Variants in ATP6V1C2 observed in about 807,000 individuals in gnomAD.
ATP6V1C2 encodes the protein ATPase H+ transporting V1 subunit C2.
In ATP6V1C2, 45 loss-of-function variants were observed where a neutral mutation model predicts 56.8. That is an observed-to-expected ratio of 0.79 (90% CI 0.62 to 1.02). The LOEUF is 1.02. Ranked by LOEUF, ATP6V1C2 falls within the 50% of genes least tolerant of loss-of-function variation. ATP6V1C2 has a pLI of 0.00. For missense variants in ATP6V1C2, 463 were observed against 519.7 expected (o/e 0.89, Z 1.06); for synonymous variants, 220 against 201.3 (o/e 1.09, Z -0.79).
rs764717987 is a variant in ATP6V1C2 at position 10,784,171 on chromosome 2, T to C, written c.*908T>C. ...GGTTAAAAGGCCACTGGTAGAGTCA[T>C]CTGAGTGTAGAGAATGTCCCTTCAC... is the stretch of plus-strand genomic sequence containing the variant. On this transcript the variant is annotated 3_prime_UTR_variant, in exon 14 of 14. Transcript: ENST00000272238. The C allele has an allele frequency of 2.1e-5, 20 of 958,450 alleles. No individual in the cohort carries two copies. Among genetic ancestry groups the C allele is most frequent in the Middle Eastern group, 2.1e-4 (1 of 4,686 alleles). The allele number at this position is 958,450 out of a possible 1,614,324, so 59.4% of individuals were successfully genotyped here.
At chr2:10,777,858 A>C in intron 11 of ATP6V1C2, 136 bp downstream of exon 11, 1 of 1,132,298 alleles carries the variant, frequency 8.8e-7, no homozygotes, top group Admixed American at 3.1e-5. Flanking sequence ...GAGGAGCCGG[A>C]ATCATGCCTT....
chr2:10,754,388 G>T (rs1461343152), intron 4 of ATP6V1C2, among the ~76,000 whole-genome samples: 2 of 151,890 alleles, frequency 1.3e-5, no homozygotes, highest in African/African-American at 4.8e-5. Context: ...GCCACGCCTG[G>T]CTAATTTTTG....
At chr2:10,730,413 G>A (rs990743654) in intron 3 of ATP6V1C2, among the ~76,000 whole-genome samples, 7 of 152,100 alleles carry the variant, frequency 4.6e-5, no homozygotes, top group African/African-American at 1.7e-4. Context: ...ACTGTGCCTG[G>A]CCACTTTGAG....
intron 4 of ATP6V1C2, among the ~76,000 whole-genome samples, chr2:10,758,834 A>G (rs1663713071): frequency 6.6e-6 from 1 of 151,960 alleles, no homozygotes; most frequent in South Asian, 2.1e-4. Context: ...ATACCTGGCT[A>G]ATTTTTGTAT....
At chr2:10,733,034 CAGAT>C (rs962812081) in intron 3 of ATP6V1C2, among the ~76,000 whole-genome samples, 20 of 150,822 alleles carry the variant, frequency 1.3e-4, no homozygotes, top group African/African-American at 4.9e-4. Flanking sequence ...AATTGTGAAA[CAGAT>C]AGAACCTGTG....
intron 3 of ATP6V1C2, among the ~76,000 whole-genome samples, chr2:10,735,145 C>T (rs1445595519): frequency 6.6e-6 from 1 of 152,028 alleles, no homozygotes; most frequent in Non-Finnish European, 1.5e-5. Context: ...GTTAATTTAA[C>T]CTGTTTTTAC....
At chr2:10,770,211 C>T (rs1199881199) in intron 6 of ATP6V1C2, among the ~76,000 whole-genome samples, 1 of 152,118 alleles carries the variant, frequency 6.6e-6, no homozygotes, top group African/African-American at 2.4e-5. Context: ...ACAGCCTGAC[C>T]AACATAGAGG....
At chr2:10,757,787 G>A (rs961265997) in intron 4 of ATP6V1C2, among the ~76,000 whole-genome samples, 2 of 152,166 alleles carry the variant, frequency 1.3e-5, no homozygotes, top group Non-Finnish European at 2.9e-5. Context: ...ACGATGTCCC[G>A]ACTGCCTGCT....
chr2:10,732,701 G>A (rs941096991), intron 3 of ATP6V1C2, among the ~76,000 whole-genome samples: 3 of 152,024 alleles, frequency 2.0e-5, no homozygotes, highest in South Asian at 2.1e-4. Context: ...GGCCAGGCGC[G>A]GTGGCTCACG....
intron 5 of ATP6V1C2, chr2:10,768,088 C>T (rs2148488586): frequency 6.6e-6 from 1 of 152,634 alleles, no homozygotes; most frequent in East Asian, 1.9e-4. Context: ...TGTAAATGCT[C>T]CTGCCGTGGC....
Position 10,784,866 on chromosome 2 carries a change from A to C in ATP6V1C2, c.*1603A>C. Reference sequence around the variant, plus strand: ...ATGGGAAGGACTTGACTCCAGGTGCAGAGATGCACAGGCTCAAGAGAGTAA... The same window carrying C: ...ATGGGAAGGACTTGACTCCAGGTGCCGAGATGCACAGGCTCAAGAGAGTAA... On this transcript the variant is annotated 3_prime_UTR_variant, in exon 14 of 14. Coordinates refer to ENST00000272238, the MANE Select transcript of ATP6V1C2 (RefSeq NM_001039362.2). 3 of 1,156,442 alleles carry C rather than the reference A, an allele frequency of 2.6e-6. No homozygotes were observed. The highest frequency in any genetic ancestry group is 3.8e-6 in the Non-Finnish European group (3 of 788,064). 71.6% of individuals were successfully genotyped at this position (1,156,442 alleles called of 1,614,324 possible).
intron 3 of ATP6V1C2, among the ~76,000 whole-genome samples, chr2:10,727,792 C>G (rs188234611): frequency 0.015 from 2,094 of 142,448 alleles, 53 homozygotes; most frequent in African/African-American, 0.053. Context: ...CTAGCTACTC[C>G]GGAGGCTGAG....
rs1661534818 is a variant in ATP6V1C2 at position 10,724,547 on chromosome 2, G to A, written c.129+1569G>A. ...GATACTGTGTGTGAGGCACTGTGCT[G>A]GACTCTGGAAGGTAAAAAGATAAAA... On this transcript the variant is annotated intron_variant, in intron 2 of 13. Transcript: ENST00000272238. Among the ~76,000 whole-genome samples the A allele has an allele frequency of 1.3e-5, 2 of 151,926 alleles. 1 individual carries two copies. The highest frequency in any genetic ancestry group is 4.2e-4 in the South Asian group (2 of 4,818).
In ATP6V1C2 at chr2:10,783,348, C is replaced by A. The variant is rs1665513981; in HGVS notation, c.*85C>A. Reference sequence around the variant, plus strand: ...TTTAGCCAGAGAATGGTTCAAATGTCTTACAGAACTAAGATCTTTTTCAGA... The same window carrying A: ...TTTAGCCAGAGAATGGTTCAAATGTATTACAGAACTAAGATCTTTTTCAGA... On this transcript the variant is annotated 3_prime_UTR_variant, in exon 14 of 14. Transcript: ENST00000272238. 1.2e-6 allele frequency: 1 copy of A among 833,188 alleles called. No individual in the cohort carries two copies. Among genetic ancestry groups the A allele is most frequent in the Non-Finnish European group, 1.9e-6 (1 of 518,550 alleles). 51.6% of individuals were successfully genotyped at this position (833,188 alleles called of 1,614,324 possible).
intron 3 of ATP6V1C2, among the ~76,000 whole-genome samples, chr2:10,726,916 CA>C (rs1661673976): frequency 6.6e-6 from 1 of 152,122 alleles, no homozygotes; most frequent in Non-Finnish European, 1.5e-5. Flanking sequence ...CACAAAATTT[CA>C]ACTACAAAAA....
rs923217569 is a variant in ATP6V1C2, at chr2:10,784,814, C to T, written c.*1551C>T. 18 of 698,056 alleles carry T rather than the reference C, an allele frequency of 2.6e-5. No homozygotes were observed. The highest frequency in any genetic ancestry group is 4.0e-5 in the Non-Finnish European group (16 of 403,682). The allele number at this position is 698,056 out of a possible 1,614,324, so 43.2% of individuals were successfully genotyped here. On this transcript the variant is annotated 3_prime_UTR_variant, in exon 14 of 14. Transcript: ENST00000272238. The stretch of plus-strand genomic sequence containing the variant: ...TTCAGAGAAGAACCTCTTAAAAGGC[C>T]CACGGGTGCACCAGGGCTGAGGTCT...
chr2:10,737,494 T>C (rs1447000551), intron 3 of ATP6V1C2, among the ~76,000 whole-genome samples: 1 of 152,134 alleles, frequency 6.6e-6, no homozygotes. Flanking sequence ...AAATTTTCTT[T>C]GTGACCTAAT....
intron 2 of ATP6V1C2, among the ~76,000 whole-genome samples, chr2:10,725,608 C>A (rs1661598032): frequency 1.4e-5 from 2 of 148,130 alleles, no homozygotes; most frequent in African/African-American, 5.0e-5. Flanking sequence ...GATTTTCCTG[C>A]CTCAGACTCC....
chr2:10,754,009 G>T lies in ATP6V1C2; in HGVS notation c.226G>T (p.Val76Leu). 3 of 1,608,314 alleles carry T rather than the reference G, an allele frequency of 1.9e-6. No individual in the cohort carries two copies. Among genetic ancestry groups the T allele is most frequent in the Non-Finnish European group, 2.5e-6 (3 of 1,176,816 alleles). The change falls in exon 4 of 14, where the codon GTG becomes TTG. Residue 76 changes from valine to leucine, a missense_variant. Transcript: ENST00000272238. ...CATAAGGAGAATGGCTCAGAGCGTG[G>T]TGGAAGTCATGGAGGACTCAAAGGG... ...SLIRRMAQSV[V>L]EVMEDSKGKV...
Sources: allele counts gnomAD v4.1 joint callset (sites outside exome capture counted in the v4.1 genomes callset), GRCh38; gene constraint gnomAD v4.1.1; transcripts MANE v1.5; gene names NCBI Gene and HGNC (gene_info 2026-07-23, HGNC 2026-07-21).